Variants in MAP4K4 observed in about 807,000 individuals in gnomAD.
MAP4K4 encodes mitogen-activated protein kinase kinase kinase kinase 4, also known as HPK/GCK-like kinase HGK.
Under a neutral mutation model 189.6 loss-of-function variants are expected in MAP4K4, and 38 were observed. The ratio of observed to expected loss-of-function variants is 0.20; its 90% CI spans 0.15 to 0.26. The LOEUF (loss-of-function observed/expected upper bound fraction) is 0.26, where lower values mean the gene tolerates loss of function less well. Ranked by LOEUF, MAP4K4 falls within the 10% of genes least tolerant of loss-of-function variation. The pLI is 1.00. For missense variants in MAP4K4, 1,054 were observed against 1,726.9 expected, an observed-to-expected ratio of 0.61 and a Z score of 6.91; for synonymous variants, 610 against 624.3, an observed-to-expected ratio of 0.98 and a Z score of 0.34.
chr2:101,701,303 C>T (rs924434979), intron 2 of MAP4K4, among the ~76,000 whole-genome samples: 1 of 152,122 alleles, frequency 6.6e-6, no homozygotes, highest in Non-Finnish European at 1.5e-5. Flanking sequence ...GGGCGAACGA[C>T]TCTCCTGCAA....
At chr2:101,773,842 CT>C (rs1214485926) in intron 2 of MAP4K4, among the ~76,000 whole-genome samples, 3 of 152,168 alleles carry the variant, frequency 2.0e-5, no homozygotes, top group Admixed American at 2.0e-4. Flanking sequence ...CAATGTCTGT[CT>C]TTCCGTGCTT....
chr2:101,797,579 T>G (rs1377417875), intron 3 of MAP4K4, among the ~76,000 whole-genome samples: 2 of 152,186 alleles, frequency 1.3e-5, no homozygotes, highest in Non-Finnish European at 2.9e-5. Flanking sequence ...TGAATGATCT[T>G]TGATCTTAAA....
intron 8 of MAP4K4, 145 bp downstream of exon 8, chr2:101,834,608 T>G: frequency 1.5e-6 from 1 of 649,666 alleles, no homozygotes; most frequent in South Asian, 1.9e-5. Context: ...ATAGTCAAGT[T>G]TTAGATGTAG....
rs376253481 is a variant in MAP4K4 at position 101,731,699 on chromosome 2, C to T, written c.123+33161C>T. Reference sequence around the variant, plus strand: ...TCAGGAGGTCAAGGCTACAGTGAGTCGTGTTGGTGCCACTGCATTCCAGAC... The same window carrying T: ...TCAGGAGGTCAAGGCTACAGTGAGTTGTGTTGGTGCCACTGCATTCCAGAC... On this transcript the variant is annotated intron_variant, in intron 2 of 32. Transcript: ENST00000324219. 1.5e-4 allele frequency among the ~76,000 whole-genome samples: 22 copies of T among 149,618 alleles called. No individual in the cohort carries two copies. In the East Asian group the frequency reaches 3.4e-3, roughly 23 times the overall value.
chr2:101,871,266 A>G (rs1392811087), intron 23 of MAP4K4, among the ~76,000 whole-genome samples: 1 of 152,078 alleles, frequency 6.6e-6, no homozygotes, highest in Non-Finnish European at 1.5e-5. Context: ...CAGATTAAAC[A>G]CTCACTGCTC....
At chr2:101,852,652 T>C (rs2097323456) in intron 12 of MAP4K4, among the ~76,000 whole-genome samples, 1 of 152,228 alleles carries the variant, frequency 6.6e-6, no homozygotes, top group Non-Finnish European at 1.5e-5. Context: ...GAATTAAATT[T>C]ATACATTTTT....
intron 2 of MAP4K4, among the ~76,000 whole-genome samples, chr2:101,781,973 G>T (rs1294144302): frequency 6.6e-6 from 1 of 152,132 alleles, no homozygotes; most frequent in Admixed American, 6.5e-5. Flanking sequence ...AGATGACTGG[G>T]CCCTTTCTTT....
At position 101,855,269 on chromosome 2, in the gene MAP4K4, TC is replaced by T. The variant is rs1428651920; in HGVS notation, c.1234-706del. On this transcript the variant is annotated intron_variant, in intron 12 of 32. Coordinates refer to ENST00000324219, the Ensembl canonical transcript of MAP4K4. ...TGGGCCGTAGAGGCAGAGCAGCTCT[TC>T]CAGCTGGGGGCTTGCTGGCTGTGTG... Among the ~76,000 whole-genome samples, 5 of 152,348 alleles carry T rather than the reference TC, an allele frequency of 3.3e-5. No individual in the cohort carries two copies. In the East Asian group the frequency reaches 7.7e-4, roughly 23 times the overall value.
chr2:101,728,989 G>A (rs564007418), intron 2 of MAP4K4, among the ~76,000 whole-genome samples: 25 of 152,164 alleles, frequency 1.6e-4, no homozygotes, highest in South Asian at 4.1e-4. Context: ...CAAATGTTCA[G>A]TTTCAGGAAA....
At chr2:101,844,027 T>C (rs545857840) in intron 11 of MAP4K4, 74 bp from the exon 12 acceptor site, 102 of 953,286 alleles carry the variant, frequency 1.1e-4, no homozygotes, top group Non-Finnish European at 1.5e-4. Flanking sequence ...TGGGATAATA[T>C]GCTGGTGCTA....
chr2:101,713,231 T>A (rs1054721024), intron 2 of MAP4K4, among the ~76,000 whole-genome samples: 13 of 152,098 alleles, frequency 8.5e-5, no homozygotes, highest in Non-Finnish European at 1.6e-4. Context: ...TTGATTGTGC[T>A]TAAAATATTT....
At chr2:101,811,595 G>T (rs2095434592) in intron 3 of MAP4K4, among the ~76,000 whole-genome samples, 1 of 151,952 alleles carries the variant, frequency 6.6e-6, no homozygotes, top group Admixed American at 6.6e-5. Flanking sequence ...GCCTGCCTCT[G>T]TATCTGCATT....
At chr2:101,891,131 T>C (rs1319913942) in intron 32 of MAP4K4, 35 bp from the exon 33 acceptor site, 1 of 1,548,064 alleles carries the variant, frequency 6.5e-7, no homozygotes, top group Non-Finnish European at 8.9e-7. Flanking sequence ...TTCATGACCA[T>C]GGTAACCATT....
intron 2 of MAP4K4, among the ~76,000 whole-genome samples, chr2:101,777,322 A>T (rs1440317688): frequency 6.6e-6 from 1 of 152,186 alleles, no homozygotes; most frequent in Non-Finnish European, 1.5e-5. Context: ...GGCACACAGC[A>T]GTGGGTGTGC....
intron 2 of MAP4K4, among the ~76,000 whole-genome samples, chr2:101,726,564 G>A (rs898306988): frequency 2.6e-5 from 4 of 152,004 alleles, no homozygotes; most frequent in Non-Finnish European, 5.9e-5. Flanking sequence ...GTGGCCCTCA[G>A]TTTACTTTTC....
In MAP4K4 at chr2:101,830,188, A is replaced by G. The variant is rs190439360; in HGVS notation, c.508+594A>G. Reference sequence around the variant, plus strand: ...TTTCATAGTATTGTTCACAATGTATAGTTATGTGATTGTTTTTTACTTCTG... The same window carrying G: ...TTTCATAGTATTGTTCACAATGTATGGTTATGTGATTGTTTTTTACTTCTG... On this transcript the variant is annotated intron_variant, in intron 6 of 32. Coordinates refer to ENST00000324219, the Ensembl canonical transcript of MAP4K4. 1.9e-4 allele frequency among the ~76,000 whole-genome samples: 29 copies of G among 152,072 alleles called. 1 individual carries two copies. The South Asian group carries it at 2.1e-3, about 11-fold the overall frequency.
chr2:101,745,609 C>T (rs1403487179), intron 2 of MAP4K4, among the ~76,000 whole-genome samples: 1 of 152,104 alleles, frequency 6.6e-6, no homozygotes, highest in African/African-American at 2.4e-5. Context: ...TACCTGCACA[C>T]TTTTGGGGGC....
In MAP4K4 at chr2:101,714,808, G is replaced by A. The variant is rs574639673; in HGVS notation, c.123+16270G>A. 2.2e-3 allele frequency among the ~76,000 whole-genome samples: 341 copies of A among 152,178 alleles called. 1 individual carries two copies. In the South Asian group the frequency reaches 0.027, roughly 12 times the overall value. On this transcript the variant is annotated intron_variant, in intron 2 of 32. Transcript: ENST00000324219. The stretch of plus-strand genomic sequence containing the variant: ...AATGTATCTAAGATTTGTTCCATAG[G>A]CTGCAGTCCACTTCGGGAATCATGG...
intron 13 of MAP4K4, among the ~76,000 whole-genome samples, chr2:101,857,402 T>G (rs888622563): frequency 2.6e-5 from 4 of 152,226 alleles, no homozygotes; most frequent in Admixed American, 6.5e-5. Context: ...ATTGACTATG[T>G]GTTAGGACCT....
Sources: gnomAD v4.1 joint callset for allele counts (sites outside exome capture counted in the v4.1 genomes callset) on GRCh38, gnomAD v4.1.1 for gene constraint, MANE v1.5 for transcripts, NCBI Gene and HGNC (gene_info 2026-07-23, HGNC 2026-07-21) for gene names.